Variants in CFDP1 observed in about 807,000 individuals in gnomAD.
CFDP1 encodes the protein heterochromatin-stabilizing protein CFDP1.
In CFDP1, 31 loss-of-function variants were observed where a neutral mutation model predicts 40.1. The observed-to-expected ratio is 0.77, with a 90% CI of 0.58 to 1.04. The LOEUF (loss-of-function observed/expected upper bound fraction) is 1.04, where lower values mean the gene tolerates loss of function less well. Among genes scored for constraint, CFDP1 ranks in the 50% least tolerant of loss-of-function variants. The probability of loss-of-function intolerance (pLI) is 0.00; values close to 1 mark genes in which losing one functional copy is unlikely to be tolerated. For synonymous variants in CFDP1, 167 were observed against 120.0 expected (o/e 1.39, Z -2.56); for missense variants, 423 against 343.4 (o/e 1.23, Z -1.83).
chr16:75,307,702 G>A (rs2078268140), intron 5 of CFDP1, among the ~76,000 whole-genome samples: 1 of 152,044 alleles, frequency 6.6e-6, no homozygotes, highest in African/African-American at 2.4e-5. Flanking sequence ...GAGACTACAG[G>A]TGTGTGCCAC....
At chr16:75,341,835 G>C (rs1159560931) in intron 5 of CFDP1, among the ~76,000 whole-genome samples, 2 of 152,076 alleles carry the variant, frequency 1.3e-5, no homozygotes, top group Non-Finnish European at 2.9e-5. Context: ...CAAGCAGCCA[G>C]GTAACGAGGC....
intron 5 of CFDP1, among the ~76,000 whole-genome samples, chr16:75,390,083 A>C (rs770527905): frequency 1.1e-4 from 17 of 152,226 alleles, no homozygotes; most frequent in Non-Finnish European, 2.2e-4. Flanking sequence ...GCTTTCAAAG[A>C]AACTGATTTT....
intron 5 of CFDP1, among the ~76,000 whole-genome samples, chr16:75,366,505 C>A (rs1029400206): frequency 6.6e-6 from 1 of 152,090 alleles, no homozygotes; most frequent in African/African-American, 2.4e-5. Context: ...CGCCTGTAAT[C>A]CCAGCTACTG....
intron 5 of CFDP1, among the ~76,000 whole-genome samples, chr16:75,308,283 G>T (rs571483540): frequency 2.0e-5 from 3 of 152,246 alleles, no homozygotes; most frequent in South Asian, 4.1e-4. Flanking sequence ...TCAAGCCCTC[G>T]TGGCCTTGGA....
chr16:75,334,901 G>C (rs927003011), intron 5 of CFDP1, among the ~76,000 whole-genome samples: 1 of 151,984 alleles, frequency 6.6e-6, no homozygotes, highest in Admixed American at 6.6e-5. Flanking sequence ...GTTGCAGTGA[G>C]CTGAGATCAT....
chr16:75,339,850 C>CA (rs1410256528), intron 5 of CFDP1, among the ~76,000 whole-genome samples: 1 of 152,152 alleles, frequency 6.6e-6, no homozygotes, highest in Non-Finnish European at 1.5e-5. Context: ...AGATATGAAC[C>CA]ACTAATACCA....
At chr16:75,415,500 C>T (rs2151589714) in intron 1 of CFDP1, among the ~76,000 whole-genome samples, 1 of 152,324 alleles carries the variant, frequency 6.6e-6, no homozygotes, top group South Asian at 2.1e-4. Context: ...CCCAGAAGGC[C>T]CCCTGTGCTC....
At chr16:75,318,633 T>A (rs1447613952) in intron 5 of CFDP1, among the ~76,000 whole-genome samples, 1 of 152,106 alleles carries the variant, frequency 6.6e-6, no homozygotes, top group Non-Finnish European at 1.5e-5. Context: ...CTCGATCTCC[T>A]GACCTTGTGA....
rs561895350 is a variant in CFDP1, at chr16:75,299,493, G to A, written c.810-5451C>T. Reference sequence around the variant, plus strand: ...GCCTGTAGTCCCAGCTACTCGGGAGGCTGAGGCAGGAGAATGGCGTGAACC... The same window carrying A: ...GCCTGTAGTCCCAGCTACTCGGGAGACTGAGGCAGGAGAATGGCGTGAACC... On this transcript the variant is annotated intron_variant, in intron 6 of 6. Transcript: ENST00000283882. Among the ~76,000 whole-genome samples the A allele has an allele frequency of 1.9e-4, 29 of 152,016 alleles. 1 individual carries two copies. The South Asian group carries it at 6.0e-3, about 32-fold the overall frequency.
At chr16:75,389,728 T>C (rs1379095768) in intron 5 of CFDP1, among the ~76,000 whole-genome samples, 3 of 152,232 alleles carry the variant, frequency 2.0e-5, no homozygotes, top group Non-Finnish European at 2.9e-5. Flanking sequence ...AATATTAGAT[T>C]ATTCCTATAG....
chr16:75,297,196 T>TGTGTG (rs1567637652), intron 6 of CFDP1, among the ~76,000 whole-genome samples: 1 of 68,494 alleles, frequency 1.5e-5, no homozygotes, highest in African/African-American at 3.8e-5. Context: ...GTGTGTGTGT[T>TGTGTG]TTTAGTAGAG....
chr16:75,355,742 G>C (rs931946700), intron 5 of CFDP1, among the ~76,000 whole-genome samples: 7 of 152,148 alleles, frequency 4.6e-5, no homozygotes, highest in Non-Finnish European at 1.0e-4. Flanking sequence ...GGTTTTATAA[G>C]CATCTGGCAT....
chr16:75,410,055 CAAAAAA>C lies in CFDP1; in HGVS notation c.530+1764_530+1769del, dbSNP rs150987819. Among the ~76,000 whole-genome samples, 186 of 52,554 alleles carry C rather than the reference CAAAAAA, an allele frequency of 3.5e-3. 3 individuals carry two copies. The highest frequency in any genetic ancestry group is 0.014 in the African/African-American group (172 of 12,542). The allele number at this position is 52,554 out of a possible 152,430, so 34.5% of individuals were successfully genotyped here. On this transcript the variant is annotated intron_variant, in intron 4 of 6. Coordinates refer to ENST00000283882, the MANE Select transcript of CFDP1 (RefSeq NM_006324.3). ...TAGGCAACACAGCAAGACCCTTTCT[CAAAAAA>C]AAAAAAAAAAAAAAAAAAAAAAAAA...
intron 1 of CFDP1, among the ~76,000 whole-genome samples, chr16:75,424,216 C>T (rs1160338652): frequency 6.6e-6 from 1 of 152,140 alleles, no homozygotes; most frequent in African/African-American, 2.4e-5. Flanking sequence ...GTTAACATTC[C>T]AGCTAAGTTA....
At chr16:75,393,987 G>A (rs2078975611) in intron 5 of CFDP1, among the ~76,000 whole-genome samples, 1 of 151,962 alleles carries the variant, frequency 6.6e-6, no homozygotes, top group Non-Finnish European at 1.5e-5. Context: ...CCCGGGAGGC[G>A]GAGCTTGCAG....
intron 5 of CFDP1, among the ~76,000 whole-genome samples, chr16:75,375,507 C>A (rs2078785111): frequency 6.6e-6 from 1 of 152,040 alleles, no homozygotes; most frequent in Non-Finnish European, 1.5e-5. Flanking sequence ...AAAAGACTGA[C>A]AAGGCTGGGC....
chr16:75,375,592 GA>G (rs1215161552), intron 5 of CFDP1, among the ~76,000 whole-genome samples: 18 of 152,036 alleles, frequency 1.2e-4, no homozygotes, highest in Non-Finnish European at 2.1e-4. Context: ...AGGAGTTCAA[GA>G]CCACTCTGAC....
intron 5 of CFDP1, among the ~76,000 whole-genome samples, chr16:75,338,045 C>T (rs1429813624): frequency 6.6e-6 from 1 of 152,210 alleles, no homozygotes; most frequent in African/African-American, 2.4e-5. Flanking sequence ...CTCTCATACC[C>T]AATGAAACTG....
intron 1 of CFDP1, 84 bp downstream of exon 1, chr16:75,433,205 G>T (rs1041605729): frequency 8.8e-6 from 12 of 1,359,918 alleles, no homozygotes; most frequent in Non-Finnish European, 1.2e-5. Flanking sequence ...GGGCCACAGG[G>T]CAGACGCCCG....
Sources: gnomAD v4.1 joint callset for allele counts (sites outside exome capture counted in the v4.1 genomes callset) on GRCh38, gnomAD v4.1.1 for gene constraint, MANE v1.5 for transcripts, NCBI Gene and HGNC (gene_info 2026-07-23, HGNC 2026-07-21) for gene names.